Variants in TMEM18 observed in about 807,000 individuals in gnomAD.
The protein encoded by TMEM18 is transmembrane protein 18.
Under a neutral mutation model 17.4 loss-of-function variants are expected in TMEM18, and 14 were observed. The observed-to-expected ratio is 0.80, with a 90% CI of 0.53 to 1.25. The LOEUF is 1.25. TMEM18 is among the 50% of genes most tolerant of loss of function. TMEM18 has a pLI of 0.00. For missense variants in TMEM18, 187 were observed against 172.1 expected, an observed-to-expected ratio of 1.09 and a Z score of -0.48; for synonymous variants, 86 against 66.1, an observed-to-expected ratio of 1.30 and a Z score of -1.46.
At chr2:676,620 A>G (rs1659228723) in intron 1 of TMEM18, 1 of 1,550,304 alleles carries the variant, frequency 6.5e-7, no homozygotes, top group African/African-American at 1.4e-5. Flanking sequence ...CTTTCTGCCC[A>G]GACCCCATCG....
chr2:672,246 G>A (rs749631643), intron 3 of TMEM18, among the ~76,000 whole-genome samples: 116 of 152,218 alleles, frequency 7.6e-4, no homozygotes, highest in Non-Finnish European at 1.4e-3. Flanking sequence ...GGTCTCACTT[G>A]ACAGAGGCTG....
chr2:676,808 C>T, intron 1 of TMEM18: 1 of 672,732 alleles, frequency 1.5e-6, no homozygotes, highest in Non-Finnish European at 2.5e-6. Flanking sequence ...CCACATGGCC[C>T]AAGCCCCGCC....
Position 669,449 on chromosome 2 carries a change from G to A in TMEM18, c.*131C>T. ...CTTCAGTGTGTGCCCTACCACTGTG[G>A]ATATTTAAATAAAACAACGGTTTTT... On this transcript the variant is annotated 3_prime_UTR_variant, in exon 5 of 5. Coordinates refer to ENST00000281017, the MANE Select transcript of TMEM18 (RefSeq NM_152834.4). The A allele has an allele frequency of 1.1e-6, 1 of 915,912 alleles. No individual in the cohort carries two copies. The highest frequency in any genetic ancestry group is 1.7e-5 in the African/African-American group (1 of 60,494). 56.7% of individuals were successfully genotyped at this position (915,912 alleles called of 1,614,324 possible). A position where few individuals can be genotyped will look rare whatever the true frequency, so the allele number is the denominator to read the frequency against.
intron 2 of TMEM18, among the ~76,000 whole-genome samples, chr2:674,667 C>G (rs1678948785): frequency 6.6e-6 from 1 of 152,248 alleles, no homozygotes; most frequent in Non-Finnish European, 1.5e-5. Context: ...TCCAGTCTTT[C>G]TAAGATCATC....
intron 3 of TMEM18, 21 bp downstream of exon 3, chr2:672,787 C>T (rs1678889062): frequency 2.1e-6 from 3 of 1,454,102 alleles, no homozygotes; most frequent in Non-Finnish European, 2.7e-6. Flanking sequence ...GACCTGGTCA[C>T]AGGCCCGGGG....
rs1678763470 is a variant in TMEM18, at chr2:668,979, A to G, written c.*601T>C. 6.6e-6 allele frequency: 1 copy of G among 152,434 alleles called. No homozygotes were observed. The highest frequency in any genetic ancestry group is 1.5e-5 in the Non-Finnish European group (1 of 68,206). 9.4% of individuals were successfully genotyped at this position (152,434 alleles called of 1,614,324 possible). ...CCTTCCAAGGTCTCTCTGCCCCAGC[A>G]CAGCTGACATTTCATGTCAAGTCAT... is the stretch of plus-strand genomic sequence containing the variant. On this transcript the variant is annotated 3_prime_UTR_variant, in exon 5 of 5. Coordinates refer to ENST00000281017, the MANE Select transcript of TMEM18 (RefSeq NM_152834.4).
At chr2:670,426 G>A (rs2103090479) in intron 3 of TMEM18, 1 of 153,578 alleles carries the variant, frequency 6.5e-6, no homozygotes, top group East Asian at 1.9e-4. Flanking sequence ...CGCCAGGGAG[G>A]GCAGAGGATC....
chr2:670,064 G>A, intron 3 of TMEM18: 1 of 534,250 alleles, frequency 1.9e-6, no homozygotes, highest in Non-Finnish European at 3.3e-6. Context: ...CTGGGTCACA[G>A]GACAGGGAGA....
intron 1 of TMEM18, 71 bp downstream of exon 1, chr2:677,218 C>T (rs1659282082): frequency 1.3e-6 from 2 of 1,545,202 alleles, no homozygotes; most frequent in South Asian, 1.2e-5. Context: ...AGGCCGGGTG[C>T]TCTGTGGGGC....
chr2:671,240 G>A (rs1678839682), intron 3 of TMEM18, among the ~76,000 whole-genome samples: 1 of 152,202 alleles, frequency 6.6e-6, no homozygotes, highest in Non-Finnish European at 1.5e-5. Context: ...CGGCCAGAGG[G>A]AAGGGAGGGG....
At chr2:677,201 T>G in intron 1 of TMEM18, 88 bp downstream of exon 1, 1 of 1,511,132 alleles carries the variant, frequency 6.6e-7, no homozygotes, top group Non-Finnish European at 8.9e-7. Context: ...GGGGCCTTCT[T>G]GGCCACAGGC....
chr2:677,063 G>A (rs924000080), intron 1 of TMEM18: 7 of 189,828 alleles, frequency 3.7e-5, no homozygotes, highest in African/African-American at 1.0e-4. Context: ...GCCCGGCCCC[G>A]GCCCCCTCCC....
intron 3 of TMEM18, chr2:670,760 G>A (rs1450124697): frequency 6.5e-6 from 1 of 152,804 alleles, no homozygotes; most frequent in Non-Finnish European, 1.5e-5. Flanking sequence ...ATGAACGGCT[G>A]GGACAGAGCT....
At position 664,797 on chromosome 2, in the gene TMEM18, T is replaced by C. The variant is rs1678635485; in HGVS notation, c.*4783A>G. Reference sequence around the variant, plus strand: ...TAGTGGAAATGTAGGCATGTGAGGTTGGAGATTTCTGTGTTGCTGTTGTCA... The same window carrying C: ...TAGTGGAAATGTAGGCATGTGAGGTCGGAGATTTCTGTGTTGCTGTTGTCA... On this transcript the variant is annotated 3_prime_UTR_variant, in exon 5 of 5. Transcript: ENST00000281017. Among the ~76,000 whole-genome samples the C allele has an allele frequency of 6.6e-6, 1 of 152,234 alleles. No homozygotes were observed. Among genetic ancestry groups the C allele is most frequent in the South Asian group, 2.1e-4 (1 of 4,830 alleles).
rs887845870 is a variant in TMEM18 at position 666,437 on chromosome 2, A to C, written c.*3143T>G. Among the ~76,000 whole-genome samples, 2 of 152,188 alleles carry C rather than the reference A, an allele frequency of 1.3e-5. No homozygotes were observed. The highest frequency in any genetic ancestry group is 2.4e-5 in the African/African-American group (1 of 41,450). On this transcript the variant is annotated 3_prime_UTR_variant, in exon 5 of 5. Transcript: ENST00000281017. ...CTTCCCCCAAAGCGAGGAAAGATCT[A>C]ACTGTACAGGCCGCTGTGAAACTGG...
At position 665,705 on chromosome 2, in the gene TMEM18, T is replaced by C. The variant is rs60768240; in HGVS notation, c.*3875A>G. Among the ~76,000 whole-genome samples the C allele has an allele frequency of 0.058, 2,380 of 40,726 alleles. No individual in the cohort carries two copies. Among genetic ancestry groups the C allele is most frequent in the South Asian group, 0.087 (96 of 1,104 alleles). 26.7% of individuals were successfully genotyped at this position (40,726 alleles called of 152,430 possible). ...ACTCACTCAGATAGAGAATCAACCCTACATACAACAGGACCCAGAGATGCA... is the reference window on the plus strand; with the variant it reads ...ACTCACTCAGATAGAGAATCAACCCCACATACAACAGGACCCAGAGATGCA... On this transcript the variant is annotated 3_prime_UTR_variant, in exon 5 of 5. Coordinates refer to ENST00000281017, the MANE Select transcript of TMEM18 (RefSeq NM_152834.4).
In TMEM18 at chr2:666,650, G is replaced by C. The variant is rs1440548819; in HGVS notation, c.*2930C>G. Reference sequence around the variant, plus strand: ...TTGGAGACATCTTCGCACCATCCTGGGACTGGGCAGCGCCACCCCCTGGGT... The same window carrying C: ...TTGGAGACATCTTCGCACCATCCTGCGACTGGGCAGCGCCACCCCCTGGGT... On this transcript the variant is annotated 3_prime_UTR_variant, in exon 5 of 5. Transcript: ENST00000281017. Among the ~76,000 whole-genome samples the C allele has an allele frequency of 6.6e-6, 1 of 152,056 alleles. No homozygotes were observed. The highest frequency in any genetic ancestry group is 1.9e-4 in the East Asian group (1 of 5,156).
chr2:676,609 G>A, intron 1 of TMEM18: 1 of 1,550,506 alleles, frequency 6.4e-7, no homozygotes, highest in Non-Finnish European at 8.7e-7. Context: ...GGGGAGCACG[G>A]CTTTCTGCCC....
rs192425979 is a variant in TMEM18 at position 666,695 on chromosome 2, C to T, written c.*2885G>A. Among the ~76,000 whole-genome samples the T allele has an allele frequency of 3.4e-4, 52 of 152,270 alleles. No individual in the cohort carries two copies. Among genetic ancestry groups the T allele is most frequent in the African/African-American group, 1.1e-3 (47 of 41,542 alleles). Reference sequence around the variant, plus strand: ...CTGGGTGCTCTTCTCTGCCCTGGCTCGCTCCCTTCCTGCCTCCGAGAACTC... The same window carrying T: ...CTGGGTGCTCTTCTCTGCCCTGGCTTGCTCCCTTCCTGCCTCCGAGAACTC... On this transcript the variant is annotated 3_prime_UTR_variant, in exon 5 of 5. Transcript: ENST00000281017.
Sources: allele counts gnomAD v4.1 joint callset (sites outside exome capture counted in the v4.1 genomes callset), GRCh38; gene constraint gnomAD v4.1.1; transcripts MANE v1.5; gene names NCBI Gene and HGNC (gene_info 2026-07-23, HGNC 2026-07-21).